The following CDH13 variants were observed in gnomAD, a reference collection of about 807,000 sequenced individuals.
CDH13 encodes cadherin 13, also known as cadherin-13.
In CDH13, 24 loss-of-function variants were observed where a neutral mutation model predicts 63.8. The ratio of observed to expected loss-of-function variants is 0.38; its 90% CI spans 0.27 to 0.53. CDH13 has a LOEUF of 0.53. Among genes scored for constraint, CDH13 ranks in the 20% least tolerant of loss-of-function variants. CDH13 has a pLI of 0.85. For missense variants in CDH13, 1,049 were observed against 903.1 expected (o/e 1.16, Z -2.07); for synonymous variants, 503 against 355.3 (o/e 1.42, Z -4.67).
chr16:82,894,923 C>T (rs1047147814), intron 2 of CDH13, among the ~76,000 whole-genome samples: 5 of 151,988 alleles, frequency 3.3e-5, no homozygotes, highest in African/African-American at 1.2e-4. Context: ...GAGTCGTGAG[C>T]AAGGTGGCGG....
chr16:83,150,515 T>G (rs977432721), intron 4 of CDH13, among the ~76,000 whole-genome samples: 2 of 152,206 alleles, frequency 1.3e-5, no homozygotes, highest in Admixed American at 1.3e-4. Flanking sequence ...CACACTCAGA[T>G]ACTGACTCAT....
chr16:83,261,165 A>G (rs1906942733), intron 5 of CDH13, among the ~76,000 whole-genome samples: 1 of 152,182 alleles, frequency 6.6e-6, no homozygotes, highest in Admixed American at 6.5e-5. Context: ...ACCACGGTTC[A>G]GTTTCCATGC....
At chr16:83,474,950 G>A (rs926029419) in intron 6 of CDH13, among the ~76,000 whole-genome samples, 1 of 152,250 alleles carries the variant, frequency 6.6e-6, no homozygotes, top group Non-Finnish European at 1.5e-5. Flanking sequence ...GAAGGCATGT[G>A]CATTGTTGCC....
At chr16:82,789,442 C>T (rs1052700167) in intron 1 of CDH13, among the ~76,000 whole-genome samples, 10 of 152,204 alleles carry the variant, frequency 6.6e-5, no homozygotes, top group African/African-American at 2.4e-4. Context: ...CACATCAAGG[C>T]GATGACAAGA....
intron 5 of CDH13, among the ~76,000 whole-genome samples, chr16:83,329,444 C>T (rs990850792): frequency 6.6e-6 from 1 of 151,314 alleles, no homozygotes; most frequent in African/African-American, 2.4e-5. Flanking sequence ...GCCATGTTGG[C>T]GAGGCTGGTC....
intron 3 of CDH13, among the ~76,000 whole-genome samples, chr16:83,087,594 G>A (rs1184564720): frequency 6.7e-6 from 1 of 149,482 alleles, no homozygotes; most frequent in Non-Finnish European, 1.5e-5. Flanking sequence ...CTTGAACGCG[G>A]GAGCCGGAGG....
chr16:82,797,367 G>C (rs139927878), intron 1 of CDH13, among the ~76,000 whole-genome samples: 142 of 152,312 alleles, frequency 9.3e-4, no homozygotes, highest in Admixed American at 3.3e-3. Context: ...TCGCCACCAT[G>C]CATCATTAGT....
At chr16:83,022,878 A>G (rs1915473522) in intron 2 of CDH13, 1 of 152,264 alleles carries the variant, frequency 6.6e-6, no homozygotes, top group South Asian at 2.1e-4. Context: ...GAATAGCACA[A>G]AATTCATATA....
intron 1 of CDH13, among the ~76,000 whole-genome samples, chr16:82,781,408 C>CT (rs1377055500): frequency 2.6e-5 from 4 of 152,112 alleles, no homozygotes; most frequent in Middle Eastern, 3.4e-3. Context: ...TGAGAATAAG[C>CT]TTTTTTGTTG....
chr16:82,716,845 G>C (rs2032408641), intron 1 of CDH13, among the ~76,000 whole-genome samples: 1 of 151,726 alleles, frequency 6.6e-6, no homozygotes, highest in Non-Finnish European at 1.5e-5. Context: ...GATCTTCTTT[G>C]TCCTTTGCCT....
intron 8 of CDH13, among the ~76,000 whole-genome samples, chr16:83,659,785 CT>C (rs35285231): frequency 0.14 from 17,551 of 122,718 alleles, 881 homozygotes; most frequent in East Asian, 0.22. Context: ...AGTCCACAAC[CT>C]TTTTTTTTTT....
At position 83,454,497 on chromosome 16, in the gene CDH13, C is replaced by G. The variant is rs138955994; in HGVS notation, c.782-31980C>G. On this transcript the variant is annotated intron_variant, in intron 6 of 13. Transcript: ENST00000567109. Reference sequence around the variant, plus strand: ...GCTTCCTATTGCATTATATATTTTACTTTGCATTTAATGTATCATAAGCAC... The same window carrying G: ...GCTTCCTATTGCATTATATATTTTAGTTTGCATTTAATGTATCATAAGCAC... 2.5e-3 allele frequency among the ~76,000 whole-genome samples: 383 copies of G among 152,246 alleles called. 10 individuals are homozygous for G. The East Asian group carries it at 0.056, about 22-fold the overall frequency.
chr16:83,077,673 G>A (rs544108424), intron 3 of CDH13, among the ~76,000 whole-genome samples: 2 of 152,108 alleles, frequency 1.3e-5, no homozygotes, highest in South Asian at 2.1e-4. Context: ...CTATAAAAAC[G>A]TTCATGCACA....
intron 5 of CDH13, among the ~76,000 whole-genome samples, chr16:83,338,687 T>C (rs576702960): frequency 6.6e-6 from 1 of 152,240 alleles, no homozygotes; most frequent in South Asian, 2.1e-4. Context: ...GAAGGATGAA[T>C]AGCGGCAGCA....
At chr16:83,016,679 C>G (rs1914831045) in intron 2 of CDH13, among the ~76,000 whole-genome samples, 1 of 152,038 alleles carries the variant, frequency 6.6e-6, no homozygotes, top group African/African-American at 2.4e-5. Context: ...TTCTTGAGCC[C>G]CTAAACACTA....
intron 6 of CDH13, among the ~76,000 whole-genome samples, chr16:83,376,524 C>G (rs117476950): frequency 5.9e-5 from 9 of 152,104 alleles, no homozygotes; most frequent in Non-Finnish European, 1.2e-4. Context: ...TGAGTAAAAA[C>G]GACATGGACA....
intron 6 of CDH13, among the ~76,000 whole-genome samples, chr16:83,389,198 C>T (rs1228934609): frequency 2.0e-5 from 3 of 152,198 alleles, no homozygotes; most frequent in African/African-American, 7.2e-5. Flanking sequence ...TTACAAAAAT[C>T]ACATTATTGT....
At chr16:82,751,643 A>G (rs184939218) in intron 1 of CDH13, among the ~76,000 whole-genome samples, 75 of 152,210 alleles carry the variant, frequency 4.9e-4, no homozygotes, top group Middle Eastern at 3.4e-3. Flanking sequence ...AGAGAGCACA[A>G]TATTAAATAG....
chr16:83,567,818 A>G (rs1904297801), intron 7 of CDH13, among the ~76,000 whole-genome samples: 2 of 151,984 alleles, frequency 1.3e-5, no homozygotes, highest in South Asian at 2.1e-4. Context: ...GATGGTCTCA[A>G]TCTCCTGACC....
Sources: gnomAD v4.1 joint callset for allele counts (sites outside exome capture counted in the v4.1 genomes callset) on GRCh38, gnomAD v4.1.1 for gene constraint, MANE v1.5 for transcripts, NCBI Gene and HGNC (gene_info 2026-07-23, HGNC 2026-07-21) for gene names.